Variants in PIAS1 observed in about 807,000 individuals in gnomAD.
The protein encoded by PIAS1 is protein inhibitor of activated STAT 1, also known as E3 SUMO-protein ligase PIAS1.
Under a neutral mutation model 71.3 loss-of-function variants are expected in PIAS1, and 6 were observed. That is an observed-to-expected ratio of 0.08 (90% CI 0.05 to 0.17). The LOEUF (loss-of-function observed/expected upper bound fraction) is 0.17. Among genes scored for constraint, PIAS1 ranks in the 10% least tolerant of loss-of-function variants. The pLI is 1.00. For synonymous variants in PIAS1, 303 were observed against 292.9 expected, an observed-to-expected ratio of 1.03 and a Z score of -0.35; for missense variants, 555 against 793.6, an observed-to-expected ratio of 0.70 and a Z score of 3.61.
intron 13 of PIAS1, chr15:68,184,764 A>T (rs967310040): frequency 3.9e-5 from 6 of 153,178 alleles, no homozygotes; most frequent in African/African-American, 1.4e-4. Flanking sequence ...TTTCATCCAT[A>T]AAGAAGCCAA....
Position 68,141,873 on chromosome 15 carries a change from GTTTTT to G in PIAS1, c.470-65_470-61del, listed in dbSNP as rs879062649. On this transcript the variant is annotated intron_variant, in intron 2 of 13. Coordinates refer to ENST00000249636, the MANE Select transcript of PIAS1 (RefSeq NM_016166.3). ...ATACCAGTTAATTAAAGACATGTGT[GTTTTT>G]TTTTTTTGCTTTTGTCTTTACTGGC... is the stretch of plus-strand genomic sequence containing the variant. The G allele has an allele frequency of 2.7e-5, 18 of 660,830 alleles. 1 individual carries two copies. In the South Asian group the frequency reaches 3.6e-4, roughly 13 times the overall value. 40.9% of individuals were successfully genotyped at this position (660,830 alleles called of 1,614,324 possible). A position where few individuals can be genotyped will look rare whatever the true frequency, so the allele number is the denominator to read the frequency against.
rs1033536940 is a variant in PIAS1 at position 68,086,561 on chromosome 15, A to T, written c.280A>T (p.Ile94Phe). The T allele has an allele frequency of 1.9e-6, 3 of 1,613,776 alleles. No individual in the cohort carries two copies. In the African/African-American group the frequency reaches 4.0e-5, roughly 22 times the overall value. ...PMPATLSPSTIPQLTYDGHPA... is the reference protein window; with the variant it reads ...PMPATLSPSTFPQLTYDGHPA... ...GCCAGCAACTTTGTCTCCATCTACC[A>T]TTCCACAACTCACTTACGATGGTCA... is the stretch of plus-strand genomic sequence containing the variant. The change falls in exon 2 of 14, where the codon ATT becomes TTT. Residue 94 changes from isoleucine (I) to phenylalanine (F), a missense_variant. Ile to Phe is a conservative substitution (Grantham distance 21). Transcript: ENST00000249636. The surrounding 1 kb of genome is among the most constrained non-coding windows in gnomAD (Gnocchi z 7.2).
chr15:68,090,927 G>GGTGGGTGTGTGTGT (rs1555425135), intron 2 of PIAS1, among the ~76,000 whole-genome samples: 4 of 142,762 alleles, frequency 2.8e-5, no homozygotes, highest in African/African-American at 1.0e-4. Flanking sequence ...GTCATTTACG[G>GGTGGGTGTGTGTGT]GTGTGTGTGT....
rs144108423 is a variant in PIAS1, at chr15:68,105,570, A to G, written c.469+18820A>G. Among the ~76,000 whole-genome samples, 931 of 152,266 alleles carry G rather than the reference A, an allele frequency of 6.1e-3. 4 individuals are homozygous for G. Among genetic ancestry groups the G allele is most frequent in the East Asian group, 0.032 (167 of 5,182 alleles). Reference sequence around the variant, plus strand: ...ATAAGTAATCTATTTTAGCCTTTCTAAGTCTGCAGCTTCCTTTCACTTTGC... The same window carrying G: ...ATAAGTAATCTATTTTAGCCTTTCTGAGTCTGCAGCTTCCTTTCACTTTGC... On this transcript the variant is annotated intron_variant, in intron 2 of 13. Transcript: ENST00000249636.
chr15:68,062,693 T>C (rs2091973214), intron 1 of PIAS1, among the ~76,000 whole-genome samples: 1 of 152,244 alleles, frequency 6.6e-6, no homozygotes, highest in Admixed American at 6.5e-5. Context: ...TGTGTATGTC[T>C]GTATAATATT....
At chr15:68,108,693 G>T (rs968753938) in intron 2 of PIAS1, among the ~76,000 whole-genome samples, 5 of 152,042 alleles carry the variant, frequency 3.3e-5, no homozygotes, top group Admixed American at 6.6e-5. Flanking sequence ...TCTACCCTCA[G>T]TATTCTCCCT....
intron 1 of PIAS1, among the ~76,000 whole-genome samples, chr15:68,059,709 CAAAAAAAAAAA>C (rs770069635): frequency 2.6e-5 from 2 of 76,478 alleles, no homozygotes; most frequent in East Asian, 4.1e-4. Flanking sequence ...CCGTCTCAAA[CAAAAAAAAAAA>C]AAAAAAAAAA....
chr15:68,077,998 A>G (rs924297569), intron 1 of PIAS1, among the ~76,000 whole-genome samples: 1 of 152,216 alleles, frequency 6.6e-6, no homozygotes, highest in African/African-American at 2.4e-5. Flanking sequence ...TCTCTCAGAT[A>G]GGGTATACTG....
intron 1 of PIAS1, among the ~76,000 whole-genome samples, chr15:68,080,150 G>A (rs2092214686): frequency 6.6e-6 from 1 of 152,112 alleles, no homozygotes; most frequent in Non-Finnish European, 1.5e-5. Context: ...TATTTTTAAT[G>A]TTCAGGTTAT....
chr15:68,087,746 TGAG>T, intron 2 of PIAS1: 1 of 307,742 alleles, frequency 3.2e-6, no homozygotes, highest in Admixed American at 3.7e-5. Flanking sequence ...TGGCAAGTGT[TGAG>T]AACATTTTTT....
chr15:68,126,341 T>C (rs11636747), intron 2 of PIAS1, among the ~76,000 whole-genome samples: 6,042 of 152,318 alleles, frequency 0.04, 139 homozygotes, highest in African/African-American at 0.056. Context: ...GTCCAGCCTG[T>C]CTATTGAGCT....
At chr15:68,124,682 T>C (rs1345759254) in intron 2 of PIAS1, among the ~76,000 whole-genome samples, 1 of 152,156 alleles carries the variant, frequency 6.6e-6, no homozygotes, top group Non-Finnish European at 1.5e-5. Flanking sequence ...GTTGCACCAC[T>C]GCACTCCGGC....
chr15:68,075,267 G>T (rs1180667890), intron 1 of PIAS1, among the ~76,000 whole-genome samples: 2 of 151,370 alleles, frequency 1.3e-5, no homozygotes, highest in Non-Finnish European at 2.9e-5. Context: ...TGTATTTTTA[G>T]TAGAGATGGA....
intron 2 of PIAS1, among the ~76,000 whole-genome samples, chr15:68,101,010 C>G (rs545559814): frequency 2.0e-5 from 3 of 151,986 alleles, no homozygotes; most frequent in African/African-American, 7.2e-5. Context: ...ATCCTCCCGC[C>G]TCTCAAGCCT....
chr15:68,102,299 T>C (rs1014139229), intron 2 of PIAS1, among the ~76,000 whole-genome samples: 3 of 152,214 alleles, frequency 2.0e-5, no homozygotes, highest in African/African-American at 7.2e-5. Context: ...GGGTCCTCTG[T>C]TCTGTTCCAT....
chr15:68,114,061 CTT>C (rs150397702), intron 2 of PIAS1, among the ~76,000 whole-genome samples: 11,846 of 64,374 alleles, frequency 0.18, 505 homozygotes, highest in Middle Eastern at 0.28. Context: ...CACACACACA[CTT>C]ATATACATGT....
At chr15:68,088,778 C>G (rs906272832) in intron 2 of PIAS1, among the ~76,000 whole-genome samples, 8 of 152,014 alleles carry the variant, frequency 5.3e-5, no homozygotes, top group African/African-American at 1.9e-4. Flanking sequence ...TTTATAAATT[C>G]TTTAACATTA....
chr15:68,158,369 TC>T, intron 7 of PIAS1, among the ~76,000 whole-genome samples: 1 of 152,306 alleles, frequency 6.6e-6, no homozygotes, highest in East Asian at 1.9e-4. Context: ...GCCTCAAAAC[TC>T]CCCTGCTGCC....
chr15:68,109,602 G>T lies in PIAS1; in HGVS notation c.469+22852G>T, dbSNP rs185772012. On this transcript the variant is annotated intron_variant, in intron 2 of 13. Transcript: ENST00000249636. The stretch of plus-strand genomic sequence containing the variant: ...CCCAGAAGTTCCTGAAAACCCTCCA[G>T]ATTCAAATCTAGCCAGAAAGAGGAT... Among the ~76,000 whole-genome samples the T allele has an allele frequency of 6.6e-5, 10 of 152,268 alleles. No homozygotes were observed. In the East Asian group the frequency reaches 1.9e-3, roughly 29 times the overall value.
Sources: allele counts gnomAD v4.1 joint callset (sites outside exome capture counted in the v4.1 genomes callset), GRCh38; gene constraint gnomAD v4.1.1; non-coding constraint Gnocchi (gnomAD v3.1); transcripts MANE v1.5; gene names NCBI Gene and HGNC (gene_info 2026-07-23, HGNC 2026-07-21).